Variants in AGO2 observed in about 807,000 individuals in gnomAD.
The protein encoded by AGO2 is protein argonaute-2.
Under a neutral mutation model 102.3 loss-of-function variants are expected in AGO2, and 5 were observed. That is an observed-to-expected ratio of 0.05 (90% CI 0.03 to 0.10). The LOEUF (loss-of-function observed/expected upper bound fraction) is 0.10. Among genes scored for constraint, AGO2 ranks in the 10% least tolerant of loss-of-function variants. The pLI is 1.00. For missense variants in AGO2, 541 were observed against 1,183.7 expected (o/e 0.46, Z 7.97); for synonymous variants, 449 against 473.1 (o/e 0.95, Z 0.66).
chr8:140,630,732 C>T (rs2074331729), intron 1 of AGO2, among the ~76,000 whole-genome samples: 1 of 152,206 alleles, frequency 6.6e-6, no homozygotes, highest in Non-Finnish European at 1.5e-5. Flanking sequence ...CAAGAGCCTC[C>T]AGTTATCTTC....
intron 6 of AGO2, 69 bp from the exon 7 acceptor site, chr8:140,558,641 A>G: frequency 6.6e-7 from 1 of 1,519,646 alleles, no homozygotes; most frequent in Non-Finnish European, 9.1e-7. Context: ...CACTTGCGAG[A>G]ATCAGTTTTC....
In AGO2 at chr8:140,586,834, G is replaced by T. The variant is rs77216619; in HGVS notation, c.23-1523C>A. Reference sequence around the variant, plus strand: ...CCAGGAAACGTCTAGGACAGAGCCCGGGAATCTGGCCCTGTGGCCAATCTC... The same window carrying T: ...CCAGGAAACGTCTAGGACAGAGCCCTGGAATCTGGCCCTGTGGCCAATCTC... On this transcript the variant is annotated intron_variant, in intron 1 of 18. Coordinates refer to ENST00000220592, the MANE Select transcript of AGO2 (RefSeq NM_012154.5). Among the ~76,000 whole-genome samples, 340 of 152,248 alleles carry T rather than the reference G, an allele frequency of 2.2e-3. 12 individuals carry two copies. In the East Asian group the frequency reaches 0.062, roughly 28 times the overall value.
At chr8:140,628,086 A>C (rs1397656556) in intron 1 of AGO2, among the ~76,000 whole-genome samples, 1 of 152,224 alleles carries the variant, frequency 6.6e-6, no homozygotes, top group African/African-American at 2.4e-5. Flanking sequence ...ATCACCTGGG[A>C]CATCTGTGAA....
chr8:140,628,227 C>T (rs2074299067), intron 1 of AGO2, among the ~76,000 whole-genome samples: 1 of 152,244 alleles, frequency 6.6e-6, no homozygotes, highest in Admixed American at 6.5e-5. Flanking sequence ...AGAGCTCGGC[C>T]CAGCCTGCCC....
At chr8:140,604,003 T>A (rs2133054616) in intron 1 of AGO2, among the ~76,000 whole-genome samples, 1 of 152,228 alleles carries the variant, frequency 6.6e-6, no homozygotes, top group South Asian at 2.1e-4. Flanking sequence ...CATGGAGTGG[T>A]CCCATCATCC....
intron 1 of AGO2, among the ~76,000 whole-genome samples, chr8:140,635,247 G>C (rs1215571388): frequency 1.4e-5 from 2 of 146,192 alleles, no homozygotes; most frequent in Non-Finnish European, 1.5e-5. Context: ...GACGACTCGC[G>C]GGGGCCGAGG....
At chr8:140,595,947 T>A (rs374848348) in intron 1 of AGO2, among the ~76,000 whole-genome samples, 1 of 32,280 alleles carries the variant, frequency 3.1e-5, no homozygotes, top group East Asian at 4.2e-4. Context: ...TAATATATAT[T>A]TTATATATAA....
upstream of AGO2, chr8:140,637,477 G>C (rs187914876): frequency 1.3e-5 from 2 of 152,348 alleles, no homozygotes; most frequent in East Asian, 1.9e-4. Flanking sequence ...CAAGGATTTC[G>C]TTCCAGAAGG....
chr8:140,603,389 T>A (rs1466652222), intron 1 of AGO2, among the ~76,000 whole-genome samples: 2 of 152,100 alleles, frequency 1.3e-5, no homozygotes, highest in Non-Finnish European at 1.5e-5. Flanking sequence ...TCAGATAAAT[T>A]TACCACCGTA....
At chr8:140,534,232 G>A (rs2072654904) in intron 17 of AGO2, among the ~76,000 whole-genome samples, 1 of 152,244 alleles carries the variant, frequency 6.6e-6, no homozygotes, top group Admixed American at 6.5e-5. Flanking sequence ...CAGCAGCAGT[G>A]GCAGCCTTGG....
intron 10 of AGO2, among the ~76,000 whole-genome samples, chr8:140,554,103 G>A (rs2073052932): frequency 1.3e-5 from 2 of 152,368 alleles, no homozygotes; most frequent in Admixed American, 1.3e-4. Context: ...AACAGCTGAA[G>A]CCCGAGGGAA....
At chr8:140,564,788 C>T (rs2073253777) in intron 3 of AGO2, among the ~76,000 whole-genome samples, 1 of 151,850 alleles carries the variant, frequency 6.6e-6, no homozygotes, top group Non-Finnish European at 1.5e-5. Flanking sequence ...ACTAAAAATA[C>T]AAAAACTAGC....
chr8:140,541,473 G>A (rs553721138), intron 14 of AGO2, 115 bp from the exon 15 acceptor site: 1 of 997,866 alleles, frequency 1.0e-6, no homozygotes, highest in East Asian at 2.7e-5. Context: ...TGGAACTCAT[G>A]TCACTGTCAA....
chr8:140,572,919 G>A lies in AGO2; in HGVS notation c.229C>T (p.His77Tyr). 6.2e-7 allele frequency: 1 copy of A among 1,608,092 alleles called. No individual in the cohort carries two copies. Among genetic ancestry groups the A allele is most frequent in the Non-Finnish European group, 8.5e-7 (1 of 1,178,046 alleles). The change falls in exon 3 of 19, where the codon CAC becomes TAC. Residue 77 changes from histidine (H) to tyrosine (Y), a missense_variant. Transcript: ENST00000220592. ...TGTGTTTTAAAGTGCTGGACCATGTGTTCCACGATTTCCCTGAAACAAAGA... is the reference window on the plus strand; with the variant it reads ...TGTGTTTTAAAGTGCTGGACCATGTATTCCACGATTTCCCTGAAACAAAGA... ...PRRVNREIVEHMVQHFKTQIF... is the reference protein window; with the variant it reads ...PRRVNREIVEYMVQHFKTQIF...
At chr8:140,592,201 C>A (rs1312250872) in intron 1 of AGO2, 1 of 152,174 alleles carries the variant, frequency 6.6e-6, no homozygotes, top group Non-Finnish European at 1.5e-5. Flanking sequence ...CCTACAGAAA[C>A]ATTCCCCAAT....
At chr8:140,558,454 C>T (rs369596622) in intron 7 of AGO2, 31 bp downstream of exon 7, 2 of 1,613,258 alleles carry the variant, frequency 1.2e-6, no homozygotes, top group Non-Finnish European at 1.7e-6. Flanking sequence ...GGGGCCCCAG[C>T]CAAGAGAGTC....
chr8:140,628,326 C>A (rs1284267839), intron 1 of AGO2, among the ~76,000 whole-genome samples: 1 of 152,238 alleles, frequency 6.6e-6, no homozygotes, highest in Non-Finnish European at 1.5e-5. Context: ...GTGTGTGAGG[C>A]CCCAGGAATG....
intron 5 of AGO2, 27 bp from the exon 6 acceptor site, chr8:140,559,556 C>G (rs775990896): frequency 1.7e-5 from 28 of 1,613,176 alleles, no homozygotes; most frequent in Non-Finnish European, 2.4e-5. Flanking sequence ...AGGCAAAGGC[C>G]TAAGCATGAC....
In AGO2 at chr8:140,559,283, C is replaced by T. The variant is rs2073156372; in HGVS notation, c.790+112G>A. The stretch of plus-strand genomic sequence containing the variant: ...CTCATCTGATGGCTACATTCTGCCA[C>T]CCCCACCTCCCCAAATGCGCACAAG... On this transcript the variant is annotated intron_variant, in intron 6 of 18. Transcript: ENST00000220592. 6 of 1,377,360 alleles carry T rather than the reference C, an allele frequency of 4.4e-6. No individual in the cohort carries two copies. In the African/African-American group the frequency reaches 5.8e-5, roughly 13 times the overall value. 85.3% of individuals were successfully genotyped at this position (1,377,360 alleles called of 1,614,324 possible).
Sources: gnomAD v4.1 joint callset for allele counts (sites outside exome capture counted in the v4.1 genomes callset) on GRCh38, gnomAD v4.1.1 for gene constraint, MANE v1.5 for transcripts, NCBI Gene and HGNC (gene_info 2026-07-23, HGNC 2026-07-21) for gene names.